Variants in MARCHF5 observed in about 807,000 individuals in gnomAD.
MARCHF5 encodes membrane associated ring-CH-type finger 5.
Under a neutral mutation model 36.5 loss-of-function variants are expected in MARCHF5, and 5 were observed. That is an observed-to-expected ratio of 0.14 (90% CI 0.07 to 0.29). The LOEUF (loss-of-function observed/expected upper bound fraction) is 0.29. MARCHF5 is among the 10% of genes least tolerant of loss of function. The pLI is 1.00. For synonymous variants in MARCHF5, 103 were observed against 109.9 expected (o/e 0.94, Z 0.39); for missense variants, 179 against 336.3 (o/e 0.53, Z 3.66).
chr10:92,297,421 C>T (rs550686082), intron 1 of MARCHF5, among the ~76,000 whole-genome samples: 13 of 151,466 alleles, frequency 8.6e-5, no homozygotes, highest in African/African-American at 3.1e-4. Flanking sequence ...CCGCTCGCCT[C>T]GGCCTCCCAA....
intron 1 of MARCHF5, among the ~76,000 whole-genome samples, chr10:92,308,171 G>A (rs1274384606): frequency 2.0e-5 from 3 of 151,966 alleles, no homozygotes; most frequent in African/African-American, 7.2e-5. Flanking sequence ...TCGATCTCCT[G>A]ACCTCATAAT....
intron 2 of MARCHF5, among the ~76,000 whole-genome samples, chr10:92,327,731 G>A (rs1056092814): frequency 7.2e-5 from 11 of 152,174 alleles, no homozygotes; most frequent in Non-Finnish European, 1.3e-4. Flanking sequence ...AAGCTCAGCA[G>A]AATGCTCACT....
intron 3 of MARCHF5, among the ~76,000 whole-genome samples, chr10:92,342,221 G>A (rs1174687236): frequency 6.6e-6 from 1 of 150,538 alleles, no homozygotes; most frequent in Non-Finnish European, 1.5e-5. Context: ...CGCAATCAAG[G>A]GTCACTGCAG....
intron 2 of MARCHF5, among the ~76,000 whole-genome samples, chr10:92,330,380 T>G (rs2135204515): frequency 6.6e-6 from 1 of 152,228 alleles, no homozygotes; most frequent in Middle Eastern, 3.4e-3. Flanking sequence ...CTATACAATC[T>G]TTTTTTAAAA....
intron 2 of MARCHF5, among the ~76,000 whole-genome samples, chr10:92,327,064 C>T (rs1428727810): frequency 1.3e-5 from 2 of 152,052 alleles, no homozygotes; most frequent in Non-Finnish European, 1.5e-5. Flanking sequence ...TACACAGAAT[C>T]TACAAACGTA....
chr10:92,350,661 C>T (rs1564955870), intron 5 of MARCHF5, among the ~76,000 whole-genome samples: 2 of 152,188 alleles, frequency 1.3e-5, no homozygotes, highest in Non-Finnish European at 2.9e-5. Context: ...GTGGCAGGCT[C>T]AGTGTGAGTT....
chr10:92,298,438 C>A (rs1034894134), intron 1 of MARCHF5, among the ~76,000 whole-genome samples: 1 of 152,152 alleles, frequency 6.6e-6, no homozygotes, highest in African/African-American at 2.4e-5. Context: ...TTCTACCTGC[C>A]CAGTGGACAT....
At chr10:92,345,112 A>G (rs1400275112) in intron 3 of MARCHF5, among the ~76,000 whole-genome samples, 2 of 151,982 alleles carry the variant, frequency 1.3e-5, no homozygotes, top group Non-Finnish European at 2.9e-5. Context: ...TAGTGCAAAG[A>G]CAGCCCCCAT....
At chr10:92,323,765 T>C (rs1843319853) in intron 2 of MARCHF5, among the ~76,000 whole-genome samples, 1 of 152,220 alleles carries the variant, frequency 6.6e-6, no homozygotes, top group East Asian at 1.9e-4. Context: ...CTGAATACTC[T>C]TACATTGTCT....
At chr10:92,292,197 G>GGTGT (rs1264948347) in intron 1 of MARCHF5, among the ~76,000 whole-genome samples, 1 of 152,092 alleles carries the variant, frequency 6.6e-6, no homozygotes, top group Non-Finnish European at 1.5e-5. Context: ...AGCTCGTACA[G>GGTGT]GAGTCCAGTT....
intron 2 of MARCHF5, among the ~76,000 whole-genome samples, chr10:92,324,262 T>C (rs1349353757): frequency 6.6e-6 from 1 of 152,258 alleles, no homozygotes; most frequent in African/African-American, 2.4e-5. Context: ...TTGGATATTT[T>C]GGATAAAAGT....
chr10:92,329,427 C>T (rs1218219333), intron 2 of MARCHF5, among the ~76,000 whole-genome samples: 3 of 152,136 alleles, frequency 2.0e-5, no homozygotes, highest in Non-Finnish European at 2.9e-5. Flanking sequence ...ATATTTTCCC[C>T]AAACTTAAAA....
rs547441322 is a variant in MARCHF5 at position 92,322,957 on chromosome 10, T to C, written c.238+11620T>C. On this transcript the variant is annotated intron_variant, in intron 2 of 5. Transcript: ENST00000358935. ...TTCACCATGTTGGCCAGGATGGTCTTGATCTCTTGACCTCGTGATCCACCC... is the reference window on the plus strand; with the variant it reads ...TTCACCATGTTGGCCAGGATGGTCTCGATCTCTTGACCTCGTGATCCACCC... 1.2e-3 allele frequency among the ~76,000 whole-genome samples: 182 copies of C among 151,660 alleles called. 1 individual carries two copies. Among genetic ancestry groups the C allele is most frequent in the African/African-American group, 4.1e-3 (168 of 41,026 alleles).
intron 2 of MARCHF5, among the ~76,000 whole-genome samples, chr10:92,320,702 ATG>A (rs1260810073): frequency 6.6e-6 from 1 of 151,664 alleles, no homozygotes; most frequent in Non-Finnish European, 1.5e-5. Context: ...ACTGTACAAT[ATG>A]TGTTTTAAGC....
rs1020532944 is a variant in MARCHF5, at chr10:92,324,178, T to C, written c.238+12841T>C. Among the ~76,000 whole-genome samples the C allele has an allele frequency of 4.2e-4, 64 of 152,272 alleles. 2 individuals are homozygous for C. On this transcript the variant is annotated intron_variant, in intron 2 of 5. Coordinates refer to ENST00000358935, the MANE Select transcript of MARCHF5 (RefSeq NM_017824.5). ...TTTGCATTTGTTTATATGCCATCTG[T>C]ATATCTTCTTTGATGAGGTGTACAC...
chr10:92,304,554 A>G (rs1274847430), intron 1 of MARCHF5, among the ~76,000 whole-genome samples: 1 of 152,236 alleles, frequency 6.6e-6, no homozygotes, highest in African/African-American at 2.4e-5. Context: ...ACATTAAAAT[A>G]CAAGATTTAT....
chr10:92,297,062 A>G (rs558217224), intron 1 of MARCHF5, among the ~76,000 whole-genome samples: 10 of 151,964 alleles, frequency 6.6e-5, no homozygotes, highest in African/African-American at 1.5e-4. Context: ...ACCATCCCCA[A>G]TGGCATATCT....
rs1843721869 is a variant in MARCHF5, at chr10:92,352,061, AAAAT to A, written c.*858_*861del. On this transcript the variant is annotated 3_prime_UTR_variant, in exon 6 of 6. Coordinates refer to ENST00000358935, the MANE Select transcript of MARCHF5 (RefSeq NM_017824.5). ...GAGCAGAGGATGATTTGCAAAAATA[AAAAT>A]AAAGTTATTTTACTCTCCTCTTGCA... 6.6e-6 allele frequency: 1 copy of A among 152,600 alleles called. No individual in the cohort carries two copies. Among genetic ancestry groups the A allele is most frequent in the African/African-American group, 2.4e-5 (1 of 41,436 alleles). The allele number at this position is 152,600 out of a possible 1,614,324, so 9.5% of individuals were successfully genotyped here.
At chr10:92,308,653 A>G (rs1843106971) in intron 1 of MARCHF5, 1 of 152,014 alleles carries the variant, frequency 6.6e-6, no homozygotes, top group Admixed American at 6.6e-5. Context: ...ATAGTTGTGA[A>G]ATTAATTAGA....
Sources: allele counts gnomAD v4.1 joint callset (sites outside exome capture counted in the v4.1 genomes callset), GRCh38; gene constraint gnomAD v4.1.1; transcripts MANE v1.5; gene names NCBI Gene and HGNC (gene_info 2026-07-23, HGNC 2026-07-21).